TRIP11: variants seen among roughly 807,000 people sequenced by gnomAD.
TRIP11 encodes thyroid hormone receptor interactor 11.
A neutral mutation model predicts 223.1 loss-of-function variants in TRIP11; 148 were observed. The ratio of observed to expected loss-of-function variants is 0.66; its 90% confidence interval spans 0.58 to 0.76. The LOEUF (loss-of-function observed/expected upper bound fraction) is 0.76, where lower values mean the gene tolerates loss of function less well. Among genes scored for constraint, TRIP11 ranks in the 30% least tolerant of loss-of-function variants. The pLI, the probability that TRIP11 is intolerant of heterozygous loss-of-function variation, is 0.00. For missense variants in TRIP11, 2,043 were observed against 2,222.0 expected, an observed-to-expected ratio of 0.92 and a Z score of 1.62; for synonymous variants, 762 against 772.6, an observed-to-expected ratio of 0.99 and a Z score of 0.23.
intron 2 of TRIP11, 59 bp from the exon 3 acceptor site, chr14:92,025,479 G>A (rs2057170806): frequency 8.2e-7 from 1 of 1,212,330 alleles, no homozygotes; most frequent in African/African-American, 1.5e-5. Flanking sequence ...AATTAGTTAT[G>A]TGCACAGCAT....
chr14:91,975,009 A>C (rs1019866860), intron 18 of TRIP11, among the ~76,000 whole-genome samples, 163 bp downstream of exon 18: 1 of 152,230 alleles, frequency 6.6e-6, no homozygotes, highest in Non-Finnish European at 1.5e-5. Flanking sequence ...AATATCATAC[A>C]TATTGAACAA....
At chr14:92,020,735 G>C (rs1345127425) in intron 4 of TRIP11, among the ~76,000 whole-genome samples, 1 of 151,572 alleles carries the variant, frequency 6.6e-6, no homozygotes, top group Non-Finnish European at 1.5e-5. Context: ...GGGAAACTCA[G>C]ACTAGGAGAG....
At chr14:92,013,542 A>G (rs1229644600) in intron 7 of TRIP11, among the ~76,000 whole-genome samples, 1 of 152,216 alleles carries the variant, frequency 6.6e-6, no homozygotes, top group Admixed American at 6.5e-5. Context: ...TAGTTAACAT[A>G]GGCAAAAAGC....
chr14:91,972,827 G>A lies in TRIP11; in HGVS notation c.5609C>T (p.Thr1870Ile). 1 of 1,612,680 alleles carries A rather than the reference G, an allele frequency of 6.2e-7. No individual in the cohort carries two copies. The highest frequency in any genetic ancestry group is 8.5e-7 in the Non-Finnish European group (1 of 1,179,416). Residue 1870 changes from threonine (T) to isoleucine (I), a missense_variant, in exon 20 of 21, where the codon ACA becomes ATA. Coordinates refer to ENST00000267622, the MANE Select transcript of TRIP11 (RefSeq NM_004239.4). ...FSELFVKFLE[T>I]ESHPSIPPPK... is the part of the protein sequence containing the mutation. Reference sequence around the variant, plus strand: ...TGGTGGAATGGATGGATGAGATTCTGTTTCTAGAAATTTAACAAAAAGTTC... The same window carrying A: ...TGGTGGAATGGATGGATGAGATTCTATTTCTAGAAATTTAACAAAAAGTTC...
rs1449930254 is a variant in TRIP11 at position 92,037,008 on chromosome 14, G to T, written c.139+2539C>A. 1.3e-5 allele frequency among the ~76,000 whole-genome samples: 2 copies of T among 152,096 alleles called. No individual in the cohort carries two copies. Among genetic ancestry groups the T allele is most frequent in the African/African-American group, 4.8e-5 (2 of 41,412 alleles). On this transcript the variant is annotated intron_variant, in intron 1 of 20. Transcript: ENST00000267622. This position sits in a 1 kb window ranked among gnomAD's most constrained non-coding sequence, Gnocchi z 4.2. ...GCCTCCCAAAATGCTGAGATTACAG[G>T]TATGAACCACACCTGGCCAGACCCC...
At chr14:91,977,815 G>A (rs544300157) in intron 16 of TRIP11, among the ~76,000 whole-genome samples, 30 of 152,110 alleles carry the variant, frequency 2.0e-4, no homozygotes, top group African/African-American at 4.3e-4. Context: ...TACTAAATTC[G>A]TATATAAAAT....
chr14:92,007,497 C>T (rs765927089), intron 10 of TRIP11, 143 bp downstream of exon 10: 4 of 862,798 alleles, frequency 4.6e-6, no homozygotes, highest in Non-Finnish European at 7.4e-6. Flanking sequence ...CCTACAAGGC[C>T]AATGATATTT....
rs2056923914 is a variant in TRIP11 at position 92,007,766 on chromosome 14, T to C, written c.1401A>G (p.Ser467=). ...AATTAAGTCTTAAGTCATGTAATTC[T>C]GAATCCAAACTTATGTCTCTTGTAG... ...STATRDISLD[S]ELHDLRLNLE... Residue 467 remains serine, a synonymous_variant, in exon 10 of 21, where the codon TCA becomes TCG. Coordinates refer to ENST00000267622, the MANE Select transcript of TRIP11 (RefSeq NM_004239.4). 10 of 1,613,644 alleles carry C rather than the reference T, an allele frequency of 6.2e-6. No homozygotes were observed. Among genetic ancestry groups the C allele is most frequent in the Non-Finnish European group, 8.5e-6 (10 of 1,179,956 alleles).
At chr14:91,994,744 C>T (rs1227259813) in intron 14 of TRIP11, among the ~76,000 whole-genome samples, 1 of 152,110 alleles carries the variant, frequency 6.6e-6, no homozygotes, top group African/African-American at 2.4e-5. Flanking sequence ...GATGAATGAT[C>T]TAAAGTGAAT....
rs768925851 is a variant in TRIP11 at position 92,003,455 on chromosome 14, A to C, written c.4521T>G (p.Ala1507=). ...EFECHSMKEK[A]LAFEQLLKEK... ...CTTTCAATAGCTGTTCAAAAGCAAG[A>C]GCCTTCTCCTTCATTGAGTGGCACT... is the stretch of plus-strand genomic sequence containing the variant. Residue 1507 remains alanine (A), a synonymous_variant, in exon 11 of 21, where the codon GCT becomes GCG. Coordinates refer to ENST00000267622, the MANE Select transcript of TRIP11 (RefSeq NM_004239.4). 1.2e-6 allele frequency: 2 copies of C among 1,613,994 alleles called. No homozygotes were observed. The highest frequency in any genetic ancestry group is 1.7e-6 in the Non-Finnish European group (2 of 1,180,022).
At chr14:92,000,171 A>G in intron 11 of TRIP11, 63 bp from the exon 12 acceptor site, 2 of 1,605,024 alleles carry the variant, frequency 1.2e-6, no homozygotes, top group Non-Finnish European at 1.7e-6. Context: ...TAAAAGAGAC[A>G]TTTTCTTCAC....
chr14:92,021,498 A>G, intron 4 of TRIP11, 58 bp downstream of exon 4: 3 of 1,568,860 alleles, frequency 1.9e-6, no homozygotes, highest in East Asian at 2.2e-5. Context: ...ACAGTTTTTT[A>G]TATTACACCA....
At chr14:92,013,274 CA>C (rs2140128435) in intron 7 of TRIP11, among the ~76,000 whole-genome samples, 1 of 151,590 alleles carries the variant, frequency 6.6e-6, no homozygotes, top group East Asian at 1.9e-4. Flanking sequence ...CTCAAAAAAA[CA>C]AACAAAAAAA....
At position 92,005,240 on chromosome 14, in the gene TRIP11, A is replaced by G. The variant is rs1423554639; in HGVS notation, c.2736T>C (p.Ile912=). 3 of 1,614,130 alleles carry G rather than the reference A, an allele frequency of 1.9e-6. No homozygotes were observed. The highest frequency in any genetic ancestry group is 1.1e-5 in the South Asian group (1 of 91,082). ...CTTCAATTATCTTTTGATGATGTTT[A>G]ATTTCCTCTTCAAGATGTTCCTTGA... The part of the protein sequence containing the change: ...NTIKEHLEEE[I]KHHQKIIEDQ... Residue 912 remains isoleucine (I), a synonymous_variant, in exon 11 of 21, where the codon ATT becomes ATC. Transcript: ENST00000267622.
In TRIP11 at chr14:92,005,836, G is replaced by A; in HGVS notation, c.2140C>T (p.Leu714=). 6 of 1,613,942 alleles carry A rather than the reference G, an allele frequency of 3.7e-6. No individual in the cohort carries two copies. The highest frequency in any genetic ancestry group is 5.1e-6 in the Non-Finnish European group (6 of 1,179,996). ...SLEKNTIVET[L]KMEKGEIEAE... is the part of the protein sequence containing the mutation. ...TCTATCTCTCCTTTTTCCATTTTTAGAGTCTCCACAATAGTGTTTTTTTCC... is the reference window on the plus strand; with the variant it reads ...TCTATCTCTCCTTTTTCCATTTTTAAAGTCTCCACAATAGTGTTTTTTTCC... The change falls in exon 11 of 21, where the codon CTA becomes TTA. Residue 714 remains leucine (L), a synonymous_variant. Transcript: ENST00000267622.
intron 16 of TRIP11, among the ~76,000 whole-genome samples, chr14:91,981,172 C>T (rs1566846238): frequency 2.7e-5 from 4 of 150,576 alleles, no homozygotes; most frequent in Admixed American, 6.6e-5. Flanking sequence ...CCTGCCACCA[C>T]GCCTGGCTAA....
rs1221602122 is a variant in TRIP11, at chr14:91,969,702, C to A, written c.5911G>T (p.Val1971Phe). The A allele has an allele frequency of 6.2e-7, 1 of 1,612,706 alleles. No individual in the cohort carries two copies. Among genetic ancestry groups the A allele is most frequent in the African/African-American group, 1.3e-5 (1 of 74,984 alleles). The change falls in exon 21 of 21, where the codon GTT becomes TTT. Residue 1971 changes from valine (V) to phenylalanine (F), a missense_variant. Coordinates refer to ENST00000267622, the MANE Select transcript of TRIP11 (RefSeq NM_004239.4). ...TGCTTTAAAAGGTCTTTCAGCACAA[C>A]CCCAGCACTGTTGTCAGGTAACGCT... ...LPALPDNSAG[V>F]VLKDLLKQ
At chr14:92,024,165 G>A (rs1482827559) in intron 3 of TRIP11, among the ~76,000 whole-genome samples, 2 of 152,110 alleles carry the variant, frequency 1.3e-5, no homozygotes, top group South Asian at 2.1e-4. Context: ...ATCACCTGAG[G>A]TCAGGAGTTC....
At chr14:91,973,215 G>A (rs935389655) in intron 19 of TRIP11, among the ~76,000 whole-genome samples, 2 of 151,942 alleles carry the variant, frequency 1.3e-5, no homozygotes, top group African/African-American at 2.4e-5. Context: ...TAGCAGAGAC[G>A]GGGTTTCACC....
Sources: allele counts gnomAD v4.1 joint callset (sites outside exome capture counted in the v4.1 genomes callset), GRCh38; gene constraint gnomAD v4.1.1; non-coding constraint Gnocchi (gnomAD v3.1); transcripts MANE v1.5; gene names NCBI Gene and HGNC (gene_info 2026-07-23, HGNC 2026-07-21).